NOL4: variants seen among roughly 807,000 people sequenced by gnomAD.
The protein encoded by NOL4 is nucleolar protein 4, also known as cancer/testis antigen 125.
In NOL4, 17 loss-of-function variants were observed where a neutral mutation model predicts 75.9. The observed-to-expected ratio is 0.22, with a 90% CI of 0.15 to 0.34. The LOEUF (loss-of-function observed/expected upper bound fraction) is 0.34, where lower values mean the gene tolerates loss of function less well. NOL4 is among the 10% of genes least tolerant of loss of function. NOL4 has a pLI of 1.00. For missense variants in NOL4, 614 were observed against 793.5 expected, an observed-to-expected ratio of 0.77 and a Z score of 2.72; for synonymous variants, 292 against 289.9, an observed-to-expected ratio of 1.01 and a Z score of -0.07.
chr18:33,925,870 GT>G, intron 9 of NOL4, among the ~76,000 whole-genome samples: 1 of 152,084 alleles, frequency 6.6e-6, no homozygotes, highest in East Asian at 1.9e-4. Context: ...AGGCCCATTT[GT>G]TTTATAAAAT....
At chr18:33,903,798 C>T (rs757877109) in intron 9 of NOL4, among the ~76,000 whole-genome samples, 7 of 152,024 alleles carry the variant, frequency 4.6e-5, no homozygotes, top group African/African-American at 1.7e-4. Flanking sequence ...TGTCTTGTTT[C>T]TCTTCAGAAT....
Position 34,007,062 on chromosome 18 carries a change from T to C in NOL4, c.1056+12256A>G, listed in dbSNP as rs149851545. On this transcript the variant is annotated intron_variant, in intron 6 of 10. Coordinates refer to ENST00000261592, the MANE Select transcript of NOL4 (RefSeq NM_003787.5). ...CCTACAGGTCTTAGTTCCAGGGAGA[T>C]AAATGCTTCCACCAGGAGACACAAC... is the stretch of plus-strand genomic sequence containing the variant. 4.1e-3 allele frequency among the ~76,000 whole-genome samples: 620 copies of C among 152,008 alleles called. 8 individuals carry two copies. Among genetic ancestry groups the C allele is most frequent in the Non-Finnish European group, 2.6e-3 (177 of 67,938 alleles).
chr18:34,224,315 TCA>T lies in NOL4; in HGVS notation c.-1064_-1063del, dbSNP rs931002552. ...GAAAGATCATTTTCCCCTTGCTTGGTCACAGTTTGCAGTTCACACGGGAGGTT... is the reference window on the plus strand; with the variant it reads ...GAAAGATCATTTTCCCCTTGCTTGGTCAGTTTGCAGTTCACACGGGAGGTT... On this transcript the variant is annotated 5_prime_UTR_variant, in exon 1 of 11. Transcript: ENST00000261592. 6.6e-6 allele frequency: 1 copy of T among 152,456 alleles called. No individual in the cohort carries two copies. Among genetic ancestry groups the T allele is most frequent in the Non-Finnish European group, 1.5e-5 (1 of 68,240 alleles). The allele number at this position is 152,456 out of a possible 1,614,324, so 9.4% of individuals were successfully genotyped here. A position where few individuals can be genotyped will look rare whatever the true frequency, so the allele number is the denominator to read the frequency against.
At chr18:33,943,039 C>T in intron 9 of NOL4, 26 bp downstream of exon 9, 1 of 1,463,654 alleles carries the variant, frequency 6.8e-7, no homozygotes, top group Admixed American at 1.7e-5. Flanking sequence ...AGCTGGTGTT[C>T]ACCAGACTTC....
chr18:33,958,278 C>T lies in NOL4; in HGVS notation c.1197G>A (p.Glu399=). The T allele has an allele frequency of 6.2e-7, 1 of 1,613,826 alleles. No homozygotes were observed. The highest frequency in any genetic ancestry group is 1.1e-5 in the South Asian group (1 of 91,062). The part of the protein sequence containing the change: ...EDHDDSEKVN[E]TDGVEAERLK... ...GCCGCTCGGCTTCAACGCCGTCTGTCTCATTAACTTTCTCCGAATCGTCAT... is the reference window on the plus strand; with the variant it reads ...GCCGCTCGGCTTCAACGCCGTCTGTTTCATTAACTTTCTCCGAATCGTCAT... The change falls in exon 7 of 11, where the codon GAG becomes GAA. Residue 399 remains glutamate, a synonymous_variant. Coordinates refer to ENST00000261592, the MANE Select transcript of NOL4 (RefSeq NM_003787.5).
intron 1 of NOL4, among the ~76,000 whole-genome samples, chr18:34,153,443 T>C (rs1483592656): frequency 6.6e-6 from 1 of 151,998 alleles, no homozygotes; most frequent in African/African-American, 2.4e-5. Context: ...TCCAGACTGC[T>C]AAACACTTTA....
intron 6 of NOL4, among the ~76,000 whole-genome samples, chr18:33,959,313 TA>T (rs1440564404): frequency 6.6e-6 from 1 of 152,020 alleles, no homozygotes. Flanking sequence ...CTGTTTAAAA[TA>T]AATAAACTGG....
chr18:34,145,626 G>A (rs2081365975), intron 1 of NOL4, among the ~76,000 whole-genome samples: 1 of 151,328 alleles, frequency 6.6e-6, no homozygotes, highest in Non-Finnish European at 1.5e-5. Context: ...TCATGTATTT[G>A]AGTTACTATT....
At chr18:33,894,857 C>T (rs1281966871) in intron 9 of NOL4, among the ~76,000 whole-genome samples, 3 of 152,030 alleles carry the variant, frequency 2.0e-5, no homozygotes, top group Non-Finnish European at 1.5e-5. Flanking sequence ...GGTTGTTGAT[C>T]AAAGGGTGCA....
intron 1 of NOL4, among the ~76,000 whole-genome samples, chr18:34,176,758 C>T (rs2033586559): frequency 6.6e-6 from 1 of 152,024 alleles, no homozygotes; most frequent in African/African-American, 2.4e-5. Context: ...CTGACAATAC[C>T]GTCACCTTGA....
At chr18:34,116,098 C>T (rs1220074827) in intron 2 of NOL4, among the ~76,000 whole-genome samples, 1 of 152,128 alleles carries the variant, frequency 6.6e-6, no homozygotes, top group Non-Finnish European at 1.5e-5. Flanking sequence ...CCTCTACCAT[C>T]CAAAAAGTAT....
At chr18:34,037,676 C>T (rs1335072403) in intron 5 of NOL4, among the ~76,000 whole-genome samples, 3 of 151,944 alleles carry the variant, frequency 2.0e-5, no homozygotes, top group Non-Finnish European at 2.9e-5. Context: ...ACACCCTCTT[C>T]GATACACATA....
intron 9 of NOL4, among the ~76,000 whole-genome samples, chr18:33,941,858 A>G (rs981499097): frequency 6.6e-6 from 1 of 151,926 alleles, no homozygotes; most frequent in African/African-American, 2.4e-5. Context: ...CATTGTATAG[A>G]TACATTTTAT....
At chr18:34,072,478 G>T (rs2077566302) in intron 5 of NOL4, among the ~76,000 whole-genome samples, 1 of 152,042 alleles carries the variant, frequency 6.6e-6, no homozygotes. Context: ...TTAAAGAGAA[G>T]TAGATAAATG....
At chr18:34,049,895 T>C (rs751837437) in intron 5 of NOL4, among the ~76,000 whole-genome samples, 4 of 152,142 alleles carry the variant, frequency 2.6e-5, no homozygotes, top group East Asian at 1.9e-4. Context: ...TAGAAAATCA[T>C]AGGGCTATCT....
At chr18:34,185,380 A>G (rs1345959580) in intron 1 of NOL4, among the ~76,000 whole-genome samples, 1 of 152,180 alleles carries the variant, frequency 6.6e-6, no homozygotes, top group East Asian at 1.9e-4. Flanking sequence ...AGCAACAGGA[A>G]GAAGGCCAGA....
chr18:34,110,655 T>C (rs1241136725), intron 2 of NOL4, among the ~76,000 whole-genome samples: 1 of 152,122 alleles, frequency 6.6e-6, no homozygotes, highest in Non-Finnish European at 1.5e-5. Flanking sequence ...GTCACTTGTA[T>C]TCAATATGGT....
In NOL4 at chr18:34,178,815, G is replaced by C. The variant is rs528629898; in HGVS notation, c.264+44175C>G. Among the ~76,000 whole-genome samples, 12 of 151,730 alleles carry C rather than the reference G, an allele frequency of 7.9e-5. No homozygotes were observed. In the East Asian group the frequency reaches 2.1e-3, roughly 27 times the overall value. ...TAGACAGAAGACCAGAAAAGAAATA[G>C]AGAACTTGACAATGTGATAAACCAA... On this transcript the variant is annotated intron_variant, in intron 1 of 10. Coordinates refer to ENST00000261592, the MANE Select transcript of NOL4 (RefSeq NM_003787.5).
chr18:33,871,395 T>C (rs2063694289), intron 10 of NOL4, among the ~76,000 whole-genome samples: 2 of 151,922 alleles, frequency 1.3e-5, no homozygotes, highest in African/African-American at 2.4e-5. Flanking sequence ...TCAATGTCCA[T>C]ATAAAGAGTG....
Sources: allele counts gnomAD v4.1 joint callset (sites outside exome capture counted in the v4.1 genomes callset), GRCh38; gene constraint gnomAD v4.1.1; transcripts MANE v1.5; gene names NCBI Gene and HGNC (gene_info 2026-07-23, HGNC 2026-07-21).